Variants in EHBP1 observed in about 807,000 individuals in gnomAD.
EHBP1 encodes EH domain-binding protein 1.
EHBP1 carries 55 observed loss-of-function variants against 144.0 expected under a neutral mutation model. The ratio of observed to expected loss-of-function variants is 0.38; its 90% confidence interval spans 0.31 to 0.48. The LOEUF (loss-of-function observed/expected upper bound fraction) is 0.48. EHBP1 is among the 20% of genes least tolerant of loss of function. EHBP1 has a pLI of 0.98. For missense variants in EHBP1, 1,200 were observed against 1,364.2 expected, an observed-to-expected ratio of 0.88 and a Z score of 1.90; for synonymous variants, 469 against 472.7, an observed-to-expected ratio of 0.99 and a Z score of 0.10.
chr2:62,742,751 A>C (rs1228325072), intron 2 of EHBP1, among the ~76,000 whole-genome samples: 1 of 152,068 alleles, frequency 6.6e-6, no homozygotes, highest in Non-Finnish European at 1.5e-5. Context: ...CTACTCCCCT[A>C]CTTCTGTTGA....
chr2:62,703,926 GT>G, upstream of EHBP1, among the ~76,000 whole-genome samples: 1 of 152,326 alleles, frequency 6.6e-6, no homozygotes, highest in Non-Finnish European at 1.5e-5. Flanking sequence ...CCAGAGAACA[GT>G]AATAAATAGG....
chr2:62,970,388 A>G (rs1441019575), intron 14 of EHBP1, among the ~76,000 whole-genome samples: 1 of 152,200 alleles, frequency 6.6e-6, no homozygotes, highest in Admixed American at 6.5e-5. Context: ...GGGAGGTAAA[A>G]GATGAAATGT....
At chr2:62,956,086 C>CCTAT in intron 14 of EHBP1, 1 of 152,814 alleles carries the variant, frequency 6.5e-6, no homozygotes, top group Non-Finnish European at 1.5e-5. Flanking sequence ...TCCATGGAGA[C>CCTAT]TGAGGCCAAT....
Position 62,707,101 on chromosome 2 carries a change from A to T in EHBP1, c.-91A>T. On this transcript the variant is annotated 5_prime_UTR_variant, in exon 2 of 23. Coordinates refer to ENST00000431489, the MANE Select transcript of EHBP1 (RefSeq NM_001142616.3). ...TTGTAGTTGAGTTTTTAAAAGACAT[A>T]CATGCAAAGTTCCTTTGCTTTGGAC... is the stretch of plus-strand genomic sequence containing the variant. 1.1e-6 allele frequency: 1 copy of T among 934,490 alleles called. No homozygotes were observed. Among genetic ancestry groups the T allele is most frequent in the Non-Finnish European group, 1.7e-6 (1 of 573,662 alleles). 57.9% of individuals were successfully genotyped at this position (934,490 alleles called of 1,614,324 possible).
chr2:62,935,728 TAA>T (rs1001969902), intron 10 of EHBP1, among the ~76,000 whole-genome samples: 8 of 152,182 alleles, frequency 5.3e-5, no homozygotes, highest in African/African-American at 1.7e-4. Context: ...CATTGTTGAA[TAA>T]AAGTGATGAT....
intron 10 of EHBP1, among the ~76,000 whole-genome samples, chr2:62,922,820 T>G (rs561030385): frequency 2.0e-4 from 30 of 152,292 alleles, no homozygotes; most frequent in Middle Eastern, 3.4e-3. Context: ...TAGGATTTAA[T>G]CAACCTGGAG....
intron 8 of EHBP1, among the ~76,000 whole-genome samples, chr2:62,863,475 CAA>C (rs2049768560): frequency 6.6e-6 from 1 of 152,062 alleles, no homozygotes; most frequent in African/African-American, 2.4e-5. Flanking sequence ...CCATTGTTTT[CAA>C]ATTAAAATTT....
chr2:62,715,303 A>T (rs1388806997), intron 2 of EHBP1, among the ~76,000 whole-genome samples: 1 of 151,858 alleles, frequency 6.6e-6, no homozygotes, highest in African/African-American at 2.4e-5. Flanking sequence ...TTTAACAGGG[A>T]TGGGGTTTCA....
intron 8 of EHBP1, among the ~76,000 whole-genome samples, chr2:62,863,841 T>TG (rs2049826342): frequency 1.5e-5 from 1 of 68,886 alleles, no homozygotes; most frequent in African/African-American, 4.0e-5. Flanking sequence ...TTCTGTGTTG[T>TG]TTTTTTTTTT....
chr2:62,771,994 G>A (rs146558191), intron 5 of EHBP1: 4,247 of 152,432 alleles, frequency 0.028, 190 homozygotes, highest in African/African-American at 0.095. Context: ...TGTAGTCCCA[G>A]CTACTTGGGA....
intron 8 of EHBP1, among the ~76,000 whole-genome samples, chr2:62,863,315 C>T (rs1261568627): frequency 6.6e-6 from 1 of 151,074 alleles, no homozygotes; most frequent in Non-Finnish European, 1.5e-5. Context: ...CATTGTTGTC[C>T]AGGCATGGTG....
intron 12 of EHBP1, among the ~76,000 whole-genome samples, chr2:62,944,550 CACA>C (rs1158170496): frequency 6.6e-6 from 1 of 152,258 alleles, no homozygotes; most frequent in African/African-American, 2.4e-5. Context: ...GTGATGTTTG[CACA>C]ACAACAAAAT....
chr2:62,691,057 C>G (rs2033887942), intron 1 of EHBP1, among the ~76,000 whole-genome samples: 1 of 152,216 alleles, frequency 6.6e-6, no homozygotes, highest in South Asian at 2.1e-4. Flanking sequence ...AGAAAGAGGG[C>G]TTTAATTTTT....
intron 5 of EHBP1, among the ~76,000 whole-genome samples, chr2:62,780,989 A>T (rs975879855): frequency 2.6e-5 from 4 of 152,188 alleles, no homozygotes; most frequent in East Asian, 3.8e-4. Context: ...ATGATTACTT[A>T]TTACTCATAA....
At position 62,871,998 on chromosome 2, in the gene EHBP1, G is replaced by A. The variant is rs1253773845; in HGVS notation, c.999-2348G>A. 2.6e-5 allele frequency: 4 copies of A among 152,222 alleles called. No homozygotes were observed. In the South Asian group the frequency reaches 8.3e-4, roughly 32 times the overall value. 9.4% of individuals were successfully genotyped at this position (152,222 alleles called of 1,614,324 possible). On this transcript the variant is annotated intron_variant, in intron 9 of 22. Transcript: ENST00000431489. ...TCATTTCTCGTATGGTTTTGTGTCAGTTTGCCAAGGAAACCTTTCATTGAA... is the reference window on the plus strand; with the variant it reads ...TCATTTCTCGTATGGTTTTGTGTCAATTTGCCAAGGAAACCTTTCATTGAA...
At chr2:62,683,579 A>C (rs2033607098) in intron 1 of EHBP1, among the ~76,000 whole-genome samples, 1 of 150,428 alleles carries the variant, frequency 6.6e-6, no homozygotes, top group Admixed American at 6.7e-5. Context: ...GAATGGTGTG[A>C]ATCCGGGAGA....
At chr2:62,989,902 A>G (rs1559033006) in intron 15 of EHBP1, among the ~76,000 whole-genome samples, 2 of 152,196 alleles carry the variant, frequency 1.3e-5, no homozygotes, top group African/African-American at 4.8e-5. Context: ...GCCTTGCAAT[A>G]TAAACTGACC....
At chr2:62,893,297 A>G (rs1399334647) in intron 10 of EHBP1, among the ~76,000 whole-genome samples, 1 of 152,170 alleles carries the variant, frequency 6.6e-6, no homozygotes, top group African/African-American at 2.4e-5. Context: ...GAGTATTTTT[A>G]TTATAAAAAA....
At chr2:63,015,935 A>G (rs2060468271) in intron 19 of EHBP1, among the ~76,000 whole-genome samples, 3 of 152,178 alleles carry the variant, frequency 2.0e-5, no homozygotes, top group African/African-American at 7.2e-5. Context: ...CAAGGCTTTA[A>G]TATTTCCTCT....
Sources: gnomAD v4.1 joint callset for allele counts (sites outside exome capture counted in the v4.1 genomes callset) on GRCh38, gnomAD v4.1.1 for gene constraint, MANE v1.5 for transcripts, NCBI Gene and HGNC (gene_info 2026-07-23, HGNC 2026-07-21) for gene names.